KCNH7: variants seen among roughly 807,000 people sequenced by gnomAD.
KCNH7 encodes the protein potassium voltage-gated channel subfamily H member 7.
In KCNH7, 49 loss-of-function variants were observed where a neutral mutation model predicts 120.8. That is an observed-to-expected ratio of 0.41 (90% confidence interval 0.32 to 0.51). The LOEUF (loss-of-function observed/expected upper bound fraction) is 0.51. Ranked by LOEUF, KCNH7 falls within the 20% of genes least tolerant of loss-of-function variation. KCNH7 has a pLI of 0.38. For missense variants in KCNH7, 1,097 were observed against 1,446.6 expected, an observed-to-expected ratio of 0.76 and a Z score of 3.92; for synonymous variants, 547 against 516.1, an observed-to-expected ratio of 1.06 and a Z score of -0.81.
intron 11 of KCNH7, 27 bp from the exon 12 acceptor site, chr2:162,394,512 A>G (rs1187949657): frequency 2.3e-6 from 3 of 1,284,474 alleles, no homozygotes; most frequent in Non-Finnish European, 3.4e-6. Flanking sequence ...TGAAGATAAA[A>G]TGAAAGATTA....
intron 12 of KCNH7, among the ~76,000 whole-genome samples, chr2:162,387,834 C>A (rs1221308782): frequency 2.6e-5 from 4 of 151,744 alleles, no homozygotes; most frequent in Non-Finnish European, 5.9e-5. Context: ...ATATAATAAT[C>A]TTTTCTTTCA....
At chr2:162,616,429 G>C (rs1041051879) in intron 2 of KCNH7, among the ~76,000 whole-genome samples, 2 of 152,182 alleles carry the variant, frequency 1.3e-5, no homozygotes, top group African/African-American at 4.8e-5. Context: ...CTGAACTTTA[G>C]AAAACTTAGA....
At chr2:162,409,707 A>G (rs1489279732) in intron 9 of KCNH7, among the ~76,000 whole-genome samples, 1 of 151,956 alleles carries the variant, frequency 6.6e-6, no homozygotes, top group East Asian at 1.9e-4. Context: ...GAATACTTCT[A>G]GGTTTAATAA....
intron 2 of KCNH7, among the ~76,000 whole-genome samples, chr2:162,558,118 A>C (rs1692923428): frequency 6.6e-6 from 1 of 152,298 alleles, no homozygotes; most frequent in African/African-American, 2.4e-5. Context: ...TGTGACATCC[A>C]TACAGTCAGA....
At position 162,585,517 on chromosome 2, in the gene KCNH7, G is replaced by A. The variant is rs144376029; in HGVS notation, c.308-48437C>T. ...TCCAAACTGGGATACATCTAATCAT[G>A]TATAGATTTTTATTCTAATAATACA... On this transcript the variant is annotated intron_variant, in intron 2 of 15. Coordinates refer to ENST00000332142, the MANE Select transcript of KCNH7 (RefSeq NM_033272.4). 6.4e-3 allele frequency among the ~76,000 whole-genome samples: 966 copies of A among 152,036 alleles called. 5 individuals carry two copies. The highest frequency in any genetic ancestry group is 0.01 in the Non-Finnish European group (705 of 67,962).
chr2:162,419,983 TA>T (rs1221005884), intron 9 of KCNH7, among the ~76,000 whole-genome samples: 3 of 152,218 alleles, frequency 2.0e-5, no homozygotes, highest in Non-Finnish European at 4.4e-5. Context: ...CACTCCTAAC[TA>T]AAAATGTTGG....
intron 2 of KCNH7, among the ~76,000 whole-genome samples, chr2:162,661,109 C>A (rs532837785): frequency 6.6e-6 from 1 of 152,242 alleles, no homozygotes; most frequent in Admixed American, 6.5e-5. Context: ...CATTCCAATG[C>A]AAGATTCAAT....
chr2:162,753,830 C>T (rs528431701), intron 2 of KCNH7, among the ~76,000 whole-genome samples: 2 of 152,072 alleles, frequency 1.3e-5, no homozygotes, highest in African/African-American at 2.4e-5. Flanking sequence ...TTTGCTTTCT[C>T]TTTCTCTTAA....
chr2:162,546,802 C>A (rs1393302708), intron 2 of KCNH7, among the ~76,000 whole-genome samples: 1 of 151,640 alleles, frequency 6.6e-6, no homozygotes, highest in African/African-American at 2.4e-5. Context: ...AAGTACTATA[C>A]CAGAAAATTG....
chr2:162,667,002 A>G (rs543879754), intron 2 of KCNH7, among the ~76,000 whole-genome samples: 11 of 143,144 alleles, frequency 7.7e-5, no homozygotes, highest in African/African-American at 2.9e-4. Flanking sequence ...CTTCTAGTCT[A>G]TTCTTTTTTC....
At chr2:162,489,629 G>C (rs921841868) in intron 6 of KCNH7, among the ~76,000 whole-genome samples, 4 of 152,168 alleles carry the variant, frequency 2.6e-5, no homozygotes, top group African/African-American at 9.7e-5. Flanking sequence ...ATATCAGCCA[G>C]AGTACATAAC....
chr2:162,452,255 A>G (rs1419328801), intron 6 of KCNH7, among the ~76,000 whole-genome samples: 1 of 151,918 alleles, frequency 6.6e-6, no homozygotes, highest in African/African-American at 2.4e-5. Context: ...AATAAACTTA[A>G]AATTTTTCAA....
At chr2:162,458,115 G>GTGTGTGTGTA (rs1162667326) in intron 6 of KCNH7, among the ~76,000 whole-genome samples, 145 of 150,386 alleles carry the variant, frequency 9.6e-4, no homozygotes, top group African/African-American at 3.3e-3. Flanking sequence ...GTGTGTGTGT[G>GTGTGTGTGTA]TGTGTGTGTG....
intron 7 of KCNH7, among the ~76,000 whole-genome samples, chr2:162,441,785 T>C (rs1688421822): frequency 2.0e-5 from 3 of 152,028 alleles, no homozygotes; most frequent in African/African-American, 7.2e-5. Flanking sequence ...TAATGGGTGG[T>C]ATGATGTTTG....
intron 2 of KCNH7, among the ~76,000 whole-genome samples, chr2:162,802,853 A>G (rs1684399245): frequency 6.6e-6 from 1 of 151,806 alleles, no homozygotes; most frequent in African/African-American, 2.4e-5. Context: ...AATTTTTAAC[A>G]CAAACATATT....
chr2:162,673,153 A>C (rs748089552), intron 2 of KCNH7, among the ~76,000 whole-genome samples: 13 of 151,426 alleles, frequency 8.6e-5, no homozygotes, highest in Non-Finnish European at 1.8e-4. Context: ...AGTATTCTAC[A>C]AAAGGATTAT....
chr2:162,742,785 T>C (rs1343666676), intron 2 of KCNH7, among the ~76,000 whole-genome samples: 1 of 152,214 alleles, frequency 6.6e-6, no homozygotes, highest in Non-Finnish European at 1.5e-5. Flanking sequence ...CAAAGATACA[T>C]ATCTTGCTTG....
chr2:162,496,012 A>G (rs546927553), intron 6 of KCNH7, among the ~76,000 whole-genome samples: 1 of 152,118 alleles, frequency 6.6e-6, no homozygotes, highest in African/African-American at 2.4e-5. Flanking sequence ...ACAGCTTCTG[A>G]TAACCCAAAT....
At chr2:162,805,825 C>T (rs1684520486) in intron 2 of KCNH7, among the ~76,000 whole-genome samples, 1 of 151,968 alleles carries the variant, frequency 6.6e-6, no homozygotes, top group Non-Finnish European at 1.5e-5. Context: ...AGATATGGAA[C>T]CAAGTTCAGT....
Sources: allele counts gnomAD v4.1 joint callset (sites outside exome capture counted in the v4.1 genomes callset), GRCh38; gene constraint gnomAD v4.1.1; transcripts MANE v1.5; gene names NCBI Gene and HGNC (gene_info 2026-07-23, HGNC 2026-07-21).